FOXN3: variants seen among roughly 807,000 people sequenced by gnomAD.
FOXN3 encodes the protein forkhead box N3.
A neutral mutation model predicts 38.4 loss-of-function variants in FOXN3; 7 were observed. That is an observed-to-expected ratio of 0.18 (90% CI 0.10 to 0.34). The LOEUF (loss-of-function observed/expected upper bound fraction) is 0.34, where lower values mean the gene tolerates loss of function less well. Among genes scored for constraint, FOXN3 ranks in the 10% least tolerant of loss-of-function variants. FOXN3 has a pLI of 1.00. For missense variants in FOXN3, 456 were observed against 613.4 expected (o/e 0.74, Z 2.71); for synonymous variants, 230 against 242.2 (o/e 0.95, Z 0.47).
At chr14:89,318,145 T>TTTC (rs201550660) in intron 3 of FOXN3, among the ~76,000 whole-genome samples, 22 of 137,878 alleles carry the variant, frequency 1.6e-4, no homozygotes, top group South Asian at 2.3e-4. Context: ...TTTTCTTTTC[T>TTTC]TTCTTCTTCT....
chr14:89,322,014 C>T (rs1445415255), intron 3 of FOXN3, among the ~76,000 whole-genome samples: 1 of 152,172 alleles, frequency 6.6e-6, no homozygotes, highest in Non-Finnish European at 1.5e-5. Flanking sequence ...TTACCCACTC[C>T]CTACTCCACT....
chr14:89,533,621 C>A (rs1269596405), intron 1 of FOXN3, among the ~76,000 whole-genome samples: 2 of 134,906 alleles, frequency 1.5e-5, no homozygotes, highest in African/African-American at 5.7e-5. Flanking sequence ...GAGATCGCAC[C>A]ACTGCACTCC....
At chr14:89,439,984 C>G (rs1453347069) in intron 1 of FOXN3, among the ~76,000 whole-genome samples, 1 of 152,150 alleles carries the variant, frequency 6.6e-6, no homozygotes, top group Non-Finnish European at 1.5e-5. Flanking sequence ...CTTGCTTTCA[C>G]TTTACTCTAT....
chr14:89,233,417 A>G (rs1230462130), intron 4 of FOXN3, among the ~76,000 whole-genome samples: 1 of 151,654 alleles, frequency 6.6e-6, no homozygotes, highest in Non-Finnish European at 1.5e-5. Flanking sequence ...TGATGAGTCC[A>G]TGAATGAAGA....
intron 1 of FOXN3, among the ~76,000 whole-genome samples, chr14:89,583,796 G>A (rs1022816665): frequency 6.6e-6 from 1 of 151,980 alleles, no homozygotes; most frequent in Admixed American, 6.6e-5. Flanking sequence ...CTGGCCTCAA[G>A]TGATCCGCCC....
Position 89,412,171 on chromosome 14 carries a change from G to A in FOXN3, c.306C>T (p.Asp102=), listed in dbSNP as rs765099697. The A allele has an allele frequency of 2.8e-5, 45 of 1,612,304 alleles. No homozygotes were observed. In the Admixed American group the frequency reaches 7.3e-4, roughly 26 times the overall value. The change falls in exon 2 of 6, where the codon GAC becomes GAT. Residue 102 remains aspartate (D), a synonymous_variant. Transcript: ENST00000557258. The surrounding 1 kb of genome is among the most constrained non-coding windows in gnomAD (Gnocchi z 4.7). ...GGTTCTGCCTGGCATCGTAGGGCAT[G>A]TCAGAGTGGGCAGGGGATGGGGGGG... ...DDTPPSPAHS[D]MPYDARQNPN...
At chr14:89,562,910 T>C (rs1181544623) in intron 1 of FOXN3, among the ~76,000 whole-genome samples, 1 of 152,216 alleles carries the variant, frequency 6.6e-6, no homozygotes, top group Non-Finnish European at 1.5e-5. Flanking sequence ...TTTATTTCTA[T>C]TCATTTAAGA....
chr14:89,507,089 C>T (rs1439066332), intron 1 of FOXN3, among the ~76,000 whole-genome samples: 1 of 151,156 alleles, frequency 6.6e-6, no homozygotes, highest in East Asian at 1.9e-4. Context: ...CCTGCCAAAT[C>T]CCCCTCTGCG....
rs1157998619 is a variant in FOXN3 at position 89,546,329 on chromosome 14, C to CT, written c.-15+72698dup. 4.2e-3 allele frequency among the ~76,000 whole-genome samples: 332 copies of CT among 78,324 alleles called. 23 individuals carry two copies. Among genetic ancestry groups the CT allele is most frequent in the Middle Eastern group, 0.023 (2 of 88 alleles). 51.4% of individuals were successfully genotyped at this position (78,324 alleles called of 152,430 possible). On this transcript the variant is annotated intron_variant, in intron 1 of 6. Transcript: ENST00000345097. ...TAGCTTCTTTTCTTTTTTCCTTTTT[C>CT]TTTTTTTTTTTTTTTTTTTGAGATG...
At chr14:89,502,041 G>A (rs1471583186) in intron 1 of FOXN3, among the ~76,000 whole-genome samples, 1 of 151,450 alleles carries the variant, frequency 6.6e-6, no homozygotes, top group African/African-American at 2.4e-5. Context: ...GGTGGCATGA[G>A]CCTGTAATCC....
intron 4 of FOXN3, among the ~76,000 whole-genome samples, chr14:89,217,160 G>A (rs1884311014): frequency 6.6e-6 from 1 of 152,036 alleles, no homozygotes; most frequent in Non-Finnish European, 1.5e-5. Flanking sequence ...TTTGAGACAG[G>A]GTCTCACTCT....
intron 2 of FOXN3, among the ~76,000 whole-genome samples, chr14:89,384,949 T>C (rs893134781): frequency 2.6e-5 from 4 of 152,168 alleles, no homozygotes; most frequent in African/African-American, 9.7e-5. Context: ...AGCCTTACAA[T>C]GAAATCTTTT....
At chr14:89,284,440 C>T (rs1195698587) in intron 3 of FOXN3, 16 of 455,874 alleles carry the variant, frequency 3.5e-5, no homozygotes, top group Middle Eastern at 3.2e-4. Flanking sequence ...TAGAGACACA[C>T]GCATCAACAG....
chr14:89,450,672 G>C (rs569904812), intron 1 of FOXN3, among the ~76,000 whole-genome samples: 8 of 150,648 alleles, frequency 5.3e-5, no homozygotes, highest in Non-Finnish European at 1.2e-4. Context: ...TGTAACATCC[G>C]CCTCCAGGGT....
rs570519905 is a variant in FOXN3, at chr14:89,441,644, A to C, written c.-14-29154T>G. 2.7e-4 allele frequency among the ~76,000 whole-genome samples: 41 copies of C among 152,330 alleles called. No homozygotes were observed. The South Asian group carries it at 8.3e-3, about 31-fold the overall frequency. ...GGACCAAGGGCTACCAGATTGGGGT[A>C]TGGATATGCAAAGTCCCCAAGAAAG... On this transcript the variant is annotated intron_variant, in intron 1 of 6. Transcript: ENST00000345097.
At chr14:89,263,910 A>C (rs1468995503) in intron 4 of FOXN3, 1 of 152,216 alleles carries the variant, frequency 6.6e-6, no homozygotes, top group Admixed American at 6.5e-5. Flanking sequence ...AAAATCAGTC[A>C]GGCATGGTGG....
chr14:89,335,076 A>ATC (rs1491048051), intron 3 of FOXN3, among the ~76,000 whole-genome samples: 161 of 88,064 alleles, frequency 1.8e-3, no homozygotes, highest in African/African-American at 5.2e-3. Flanking sequence ...CTATTTTCAT[A>ATC]TCACACACAC....
chr14:89,514,372 G>A (rs925488441), intron 1 of FOXN3, among the ~76,000 whole-genome samples: 1 of 152,152 alleles, frequency 6.6e-6, no homozygotes. Flanking sequence ...CGTCTGTGAT[G>A]GCAAACCGAT....
At chr14:89,248,216 A>G (rs187694147) in intron 4 of FOXN3, among the ~76,000 whole-genome samples, 10 of 152,350 alleles carry the variant, frequency 6.6e-5, no homozygotes, top group African/African-American at 2.4e-4. Context: ...CCACAAGCGC[A>G]AAGACTTTAT....
Sources: gnomAD v4.1 joint callset for allele counts (sites outside exome capture counted in the v4.1 genomes callset) on GRCh38, gnomAD v4.1.1 for gene constraint, Gnocchi (gnomAD v3.1) non-coding constraint, MANE v1.5 for transcripts, NCBI Gene and HGNC (gene_info 2026-07-23, HGNC 2026-07-21) for gene names.